The following TTC23 variants were observed in gnomAD, a reference collection of about 807,000 sequenced individuals.
The protein encoded by TTC23 is tetratricopeptide repeat protein 23.
Under a neutral mutation model 55.1 loss-of-function variants are expected in TTC23, and 58 were observed. That is an observed-to-expected ratio of 1.05 (90% CI 0.85 to 1.31). The LOEUF (loss-of-function observed/expected upper bound fraction) is 1.31. Among genes scored for constraint, TTC23 ranks in the 50% most tolerant of loss-of-function variants. The pLI is 0.00. For missense variants in TTC23, 516 were observed against 534.4 expected, an observed-to-expected ratio of 0.97 and a Z score of 0.34; for synonymous variants, 203 against 199.9, an observed-to-expected ratio of 1.02 and a Z score of -0.13.
intron 4 of TTC23, among the ~76,000 whole-genome samples, chr15:99,232,729 G>C (rs1389375123): frequency 6.6e-6 from 1 of 152,090 alleles, no homozygotes; most frequent in African/African-American, 2.4e-5. Context: ...ACACAGTAAG[G>C]AAGTTTCTCA....
chr15:99,236,982 GTT>G (rs200232010), intron 3 of TTC23, among the ~76,000 whole-genome samples: 3 of 141,558 alleles, frequency 2.1e-5, no homozygotes, highest in African/African-American at 5.2e-5. Flanking sequence ...TCACTCCTAA[GTT>G]TTTTTTTTTT....
At chr15:99,228,288 T>C (rs1240154383) in intron 5 of TTC23, 4 of 329,384 alleles carry the variant, frequency 1.2e-5, no homozygotes, top group Non-Finnish European at 2.2e-5. Context: ...TTGTGTTGTA[T>C]CCCAATGCCT....
In TTC23 at chr15:99,175,122, G is replaced by C; in HGVS notation, c.793C>G (p.Gln265Glu). ...TGTGCCGAGTCTGCTGCCTCCACTT[G>C]AGAGGGGCTTCTACTCAGGATGATA... ...HLIILSRSPSQVEAADSAHIV... is the reference protein window; with the variant it reads ...HLIILSRSPSEVEAADSAHIV... The change falls in exon 10 of 14, where the codon CAA becomes GAA. Residue 265 changes from glutamine (Q) to glutamate (E), a missense_variant. Gln to Glu is a conservative substitution (Grantham distance 29). Transcript: ENST00000394132. 6.2e-7 allele frequency: 1 copy of C among 1,614,192 alleles called. No individual in the cohort carries two copies. The highest frequency in any genetic ancestry group is 8.5e-7 in the Non-Finnish European group (1 of 1,180,026).
chr15:99,181,565 A>C (rs183242127), intron 9 of TTC23, among the ~76,000 whole-genome samples: 13 of 152,274 alleles, frequency 8.5e-5, no homozygotes, highest in Admixed American at 8.5e-4. Flanking sequence ...ACCAGCTGTG[A>C]AGCTGCATAG....
At chr15:99,190,026 C>G (rs552433765) in intron 9 of TTC23, among the ~76,000 whole-genome samples, 1 of 151,830 alleles carries the variant, frequency 6.6e-6, no homozygotes, top group African/African-American at 2.4e-5. Flanking sequence ...AAAAAATATA[C>G]AAAAATTAGC....
At chr15:99,138,159 G>A (rs782180366) in intron 13 of TTC23, 32 bp from the exon 14 acceptor site, 2 of 1,609,160 alleles carry the variant, frequency 1.2e-6, no homozygotes, top group East Asian at 4.5e-5. Context: ...GGTGAGTGTG[G>A]TGCCCCTCAG....
chr15:99,249,125 A>C (rs1000621624), intron 1 of TTC23, 46 bp downstream of exon 1: 1 of 152,230 alleles, frequency 6.6e-6, no homozygotes, highest in Non-Finnish European at 1.5e-5. Flanking sequence ...AGTTTCTTAA[A>C]GTAGAAAATG....
At chr15:99,196,679 C>T (rs1374554485) in intron 9 of TTC23, among the ~76,000 whole-genome samples, 1 of 152,122 alleles carries the variant, frequency 6.6e-6, no homozygotes, top group Non-Finnish European at 1.5e-5. Context: ...GCTGTCTCAC[C>T]CCCAACCGGA....
At chr15:99,196,434 T>A (rs1424780591) in intron 9 of TTC23, among the ~76,000 whole-genome samples, 1 of 152,166 alleles carries the variant, frequency 6.6e-6, no homozygotes, top group Non-Finnish European at 1.5e-5. Context: ...TACAAAAGGT[T>A]TTTGTATAAG....
chr15:99,215,019 C>A (rs1346997282), intron 8 of TTC23, among the ~76,000 whole-genome samples: 1 of 151,628 alleles, frequency 6.6e-6, no homozygotes. Flanking sequence ...TCAGGCCCAG[C>A]TAATTTTTGT....
At chr15:99,239,520 A>T (rs1467308377) in intron 3 of TTC23, among the ~76,000 whole-genome samples, 1 of 152,084 alleles carries the variant, frequency 6.6e-6, no homozygotes, top group Non-Finnish European at 1.5e-5. Flanking sequence ...TAAACAAATA[A>T]AAATAAATAA....
chr15:99,182,784 A>G (rs1308207041), intron 9 of TTC23, among the ~76,000 whole-genome samples: 1 of 152,064 alleles, frequency 6.6e-6, no homozygotes, highest in Admixed American at 6.6e-5. Flanking sequence ...GATTTTTAAA[A>G]AACAAAGAAC....
chr15:99,232,022 T>A (rs1016538491), intron 4 of TTC23, among the ~76,000 whole-genome samples: 1 of 146,992 alleles, frequency 6.8e-6, no homozygotes, highest in Non-Finnish European at 1.5e-5. Context: ...GAACTCCTGA[T>A]CTCAGGTGAT....
chr15:99,146,473 G>A (rs2068871441), intron 12 of TTC23, among the ~76,000 whole-genome samples: 2 of 152,230 alleles, frequency 1.3e-5, no homozygotes, highest in Admixed American at 1.3e-4. Context: ...TGTAATAGGA[G>A]CTTTTGCTTT....
At chr15:99,217,229 TCA>T (rs1254452733) in intron 8 of TTC23, among the ~76,000 whole-genome samples, 1 of 151,988 alleles carries the variant, frequency 6.6e-6, no homozygotes, top group Non-Finnish European at 1.5e-5. Context: ...TGGTCTCTAC[TCA>T]CTGCAACCTC....
At position 99,138,175 on chromosome 15, in the gene TTC23, C is replaced by A. The variant is rs115566375; in HGVS notation, c.1227-48G>T. The A allele has an allele frequency of 1.1e-3, 1,759 of 1,601,950 alleles. 17 individuals carry two copies. The African/African-American group carries it at 0.021, about 19-fold the overall frequency. ...GTGAGTGTGGTGCCCCTCAGCCCCC[C>A]ACACCGTTCCCATCCAGCCTTTGCT... On this transcript the variant is annotated intron_variant, in intron 13 of 13. Coordinates refer to ENST00000394132, the MANE Select transcript of TTC23 (RefSeq NM_001288615.3).
chr15:99,241,412 A>T lies in TTC23; in HGVS notation c.-161T>A, dbSNP rs2079787306. The T allele has an allele frequency of 2.6e-5, 4 of 152,362 alleles. No individual in the cohort carries two copies. The highest frequency in any genetic ancestry group is 9.6e-5 in the African/African-American group (4 of 41,460). The allele number at this position is 152,362 out of a possible 1,614,324, so 9.4% of individuals were successfully genotyped here. On this transcript the variant is annotated 5_prime_UTR_variant, in exon 3 of 14. Transcript: ENST00000394132. Reference sequence around the variant, plus strand: ...AGCCACTTTTCTTTGTAGTAGCTATAGCTGGGGCTTAAAATTTCATCAGAC... The same window carrying T: ...AGCCACTTTTCTTTGTAGTAGCTATTGCTGGGGCTTAAAATTTCATCAGAC...
chr15:99,200,156 A>T, intron 8 of TTC23, 60 bp from the exon 9 acceptor site: 1 of 1,403,334 alleles, frequency 7.1e-7, no homozygotes, highest in South Asian at 1.6e-5. Flanking sequence ...CTGAAAATAT[A>T]GGTGAGCTGG....
chr15:99,179,098 A>G (rs59742583), intron 9 of TTC23, among the ~76,000 whole-genome samples: 5,169 of 152,264 alleles, frequency 0.034, 314 homozygotes, highest in African/African-American at 0.12. Flanking sequence ...GCTGAGAAGG[A>G]TGCACAGTGT....
Sources: gnomAD v4.1 joint callset for allele counts (sites outside exome capture counted in the v4.1 genomes callset) on GRCh38, gnomAD v4.1.1 for gene constraint, MANE v1.5 for transcripts, NCBI Gene and HGNC (gene_info 2026-07-23, HGNC 2026-07-21) for gene names.